PDE10A: variants seen among roughly 807,000 people sequenced by gnomAD.
PDE10A encodes the protein cAMP and cAMP-inhibited cGMP 3',5'-cyclic phosphodiesterase 10A.
Under a neutral mutation model 97.7 loss-of-function variants are expected in PDE10A, and 39 were observed. That is an observed-to-expected ratio of 0.40 (90% CI 0.31 to 0.52). The LOEUF (loss-of-function observed/expected upper bound fraction) is 0.52, where lower values mean the gene tolerates loss of function less well. Ranked by LOEUF, PDE10A falls within the 20% of genes least tolerant of loss-of-function variation. The probability of loss-of-function intolerance (pLI) is 0.56; values close to 1 mark genes in which losing one functional copy is unlikely to be tolerated. For synonymous variants in PDE10A, 371 were observed against 376.8 expected, an observed-to-expected ratio of 0.98 and a Z score of 0.18; for missense variants, 731 against 1,047.8, an observed-to-expected ratio of 0.70 and a Z score of 4.17.
At chr6:165,961,426 G>A (rs1350235884) in intron 1 of PDE10A, among the ~76,000 whole-genome samples, 5 of 152,320 alleles carry the variant, frequency 3.3e-5, no homozygotes, top group South Asian at 2.1e-4. Flanking sequence ...TGCTAAGCCC[G>A]CCTTAGCGGG....
chr6:165,973,530 A>G (rs958985199), intron 1 of PDE10A, among the ~76,000 whole-genome samples: 1 of 152,010 alleles, frequency 6.6e-6, no homozygotes, highest in Non-Finnish European at 1.5e-5. Flanking sequence ...GAGATTGACT[A>G]AGGAATGTAT....
At chr6:165,988,019 G>A (rs2128505859), upstream of PDE10A, 1 of 424,676 alleles carries the variant, frequency 2.4e-6, no homozygotes. Flanking sequence ...CACATTTGGG[G>A]GTGCTTGTGC....
intron 1 of PDE10A, among the ~76,000 whole-genome samples, chr6:165,928,263 A>G (rs917303979): frequency 6.6e-6 from 1 of 152,144 alleles, no homozygotes; most frequent in Non-Finnish European, 1.5e-5. Context: ...GTTGGTGATG[A>G]GATCTTAAAG....
At chr6:165,761,802 ATAT>A (rs1223910909) in intron 1 of PDE10A, among the ~76,000 whole-genome samples, 1 of 152,114 alleles carries the variant, frequency 6.6e-6, no homozygotes, top group African/African-American at 2.4e-5. Flanking sequence ...TAAAATAATA[ATAT>A]TAATATTTAG....
intron 18 of PDE10A, among the ~76,000 whole-genome samples, chr6:165,369,990 G>T (rs1784109476): frequency 2.5e-5 from 3 of 121,028 alleles, no homozygotes; most frequent in Admixed American, 1.7e-4. Flanking sequence ...AGCTTCAAAA[G>T]TGAAGGAGAA....
intron 10 of PDE10A, among the ~76,000 whole-genome samples, chr6:165,421,268 C>G (rs1420913288): frequency 1.3e-5 from 2 of 151,952 alleles, no homozygotes; most frequent in African/African-American, 4.8e-5. Flanking sequence ...ATGGCGAGAC[C>G]CCTTCTCTAC....
chr6:165,792,418 C>T (rs954210336), intron 1 of PDE10A, among the ~76,000 whole-genome samples: 6 of 152,142 alleles, frequency 3.9e-5, no homozygotes, highest in Admixed American at 6.5e-5. Flanking sequence ...CCAGAGGGCC[C>T]GGGGTAGCCA....
intron 1 of PDE10A, among the ~76,000 whole-genome samples, chr6:165,571,683 C>A (rs1785056255): frequency 6.6e-6 from 1 of 152,148 alleles, no homozygotes; most frequent in Admixed American, 6.5e-5. Flanking sequence ...AAAAGAAATC[C>A]CCATTCTTAA....
At position 165,388,348 on chromosome 6, in the gene PDE10A, T is replaced by C; in HGVS notation, c.2560A>G (p.Thr854Ala). Reference protein sequence around the residue: ...FDHPLAALYSTSTMEQHHFSQ... With the variant: ...FDHPLAALYSASTMEQHHFSQ... ...AAGTGGTGCTGCTCCATGGTGGAAG[T>C]GGAGTAGAGAGCGGCCAGAGGGTGG... The change falls in exon 17 of 22, where the codon ACT becomes GCT. Residue 854 changes from threonine to alanine, a missense_variant. Around this residue, in one of 8 missense-constraint regions of PDE10A, gnomAD observed 25 missense variants for 83.7 expected, o/e 0.30. Coordinates refer to ENST00000539869, the MANE Select transcript of PDE10A (RefSeq NM_001385079.1). This position sits in a 1 kb window ranked among gnomAD's most constrained non-coding sequence, Gnocchi z 4.0. 6.2e-7 allele frequency: 1 copy of C among 1,614,036 alleles called. No individual in the cohort carries two copies. The highest frequency in any genetic ancestry group is 1.3e-5 in the African/African-American group (1 of 75,016).
At chr6:165,765,888 A>G (rs1583057895) in intron 1 of PDE10A, among the ~76,000 whole-genome samples, 1 of 152,242 alleles carries the variant, frequency 6.6e-6, no homozygotes, top group Admixed American at 6.5e-5. Flanking sequence ...AGGCTTTGTC[A>G]TATTCCATCG....
intron 2 of PDE10A, among the ~76,000 whole-genome samples, chr6:165,521,231 C>T (rs1212824306): frequency 1.3e-5 from 2 of 152,060 alleles, no homozygotes; most frequent in African/African-American, 2.4e-5. Context: ...GTTTTGACTC[C>T]TCCACCAACT....
At chr6:165,628,943 A>G (rs1788507526) in intron 1 of PDE10A, among the ~76,000 whole-genome samples, 1 of 152,200 alleles carries the variant, frequency 6.6e-6, no homozygotes, top group African/African-American at 2.4e-5. Context: ...TCAGAGGGCA[A>G]CAGATCCATG....
At chr6:165,710,258 A>T (rs548891902) in intron 1 of PDE10A, among the ~76,000 whole-genome samples, 45 of 152,330 alleles carry the variant, frequency 3.0e-4, no homozygotes, top group Non-Finnish European at 6.0e-4. Context: ...ACCCCTGGAC[A>T]CAAGGACTGT....
chr6:165,832,382 A>T (rs1002633420), intron 1 of PDE10A, among the ~76,000 whole-genome samples: 2 of 152,086 alleles, frequency 1.3e-5, no homozygotes, highest in Non-Finnish European at 2.9e-5. Flanking sequence ...GAAGTTTATA[A>T]AGTAGATGAT....
chr6:165,441,154 C>T (rs935634562), intron 5 of PDE10A, among the ~76,000 whole-genome samples: 1 of 152,156 alleles, frequency 6.6e-6, no homozygotes, highest in African/African-American at 2.4e-5. Flanking sequence ...CTTTACTTTC[C>T]CCTCTCATCT....
At chr6:165,514,753 C>A (rs923216759) in intron 2 of PDE10A, among the ~76,000 whole-genome samples, 11 of 152,228 alleles carry the variant, frequency 7.2e-5, no homozygotes, top group African/African-American at 2.7e-4. Context: ...GGACCAACTA[C>A]TAGAGTCAGG....
rs545631731 is a variant in PDE10A at position 165,954,480 on chromosome 6, A to C, written c.-615+33049T>G. ...ACGGGTAAGAAGCCCTCAGCTTCCT[A>C]AAGTCCATCAGTTAGGAACACAAAA... On this transcript the variant is annotated intron_variant, in intron 1 of 19. Coordinates refer to the PDE10A transcript ENST00000366882. Among the ~76,000 whole-genome samples, 55 of 152,334 alleles carry C rather than the reference A, an allele frequency of 3.6e-4. 1 individual carries two copies. The highest frequency in any genetic ancestry group is 1.3e-3 in the African/African-American group (54 of 41,588).
chr6:165,542,307 TCAAA>T (rs1305795680), intron 2 of PDE10A, among the ~76,000 whole-genome samples: 1 of 152,180 alleles, frequency 6.6e-6, no homozygotes, highest in Admixed American at 6.5e-5. Flanking sequence ...AATATTCAAA[TCAAA>T]CAATCCAATA....
chr6:165,534,774 A>C (rs942897172), intron 2 of PDE10A, among the ~76,000 whole-genome samples: 3 of 152,094 alleles, frequency 2.0e-5, no homozygotes, highest in Non-Finnish European at 4.4e-5. Context: ...CGCTCAGCAA[A>C]CTGGCTATAG....
Sources: gnomAD v4.1 joint callset for allele counts (sites outside exome capture counted in the v4.1 genomes callset) on GRCh38, gnomAD v4.1.1 for gene constraint, gnomAD v4.1.1 regional missense constraint, Gnocchi (gnomAD v3.1) non-coding constraint, MANE v1.5 for transcripts, NCBI Gene and HGNC (gene_info 2026-07-23, HGNC 2026-07-21) for gene names.